The following ST3GAL5 variants were observed in gnomAD, a reference collection of about 807,000 sequenced individuals.
ST3GAL5 encodes lactosylceramide alpha-2,3-sialyltransferase.
In ST3GAL5, 25 loss-of-function variants were observed where a neutral mutation model predicts 46.1. The observed-to-expected ratio is 0.54, with a 90% CI of 0.40 to 0.76. ST3GAL5 has a LOEUF of 0.76. ST3GAL5 is among the 30% of genes least tolerant of loss of function. ST3GAL5 has a pLI of 0.00. For missense variants in ST3GAL5, 431 were observed against 521.2 expected, an observed-to-expected ratio of 0.83 and a Z score of 1.69; for synonymous variants, 182 against 192.7, an observed-to-expected ratio of 0.94 and a Z score of 0.46.
intron 1 of ST3GAL5, among the ~76,000 whole-genome samples, chr2:85,886,967 C>A (rs1215912286): frequency 6.6e-6 from 1 of 152,164 alleles, no homozygotes; most frequent in Non-Finnish European, 1.5e-5. Context: ...ACAGGCAGTG[C>A]GGATTAAATC....
intron 1 of ST3GAL5, among the ~76,000 whole-genome samples, chr2:85,882,659 T>C (rs1687289699): frequency 7.5e-6 from 1 of 133,944 alleles, no homozygotes; most frequent in Non-Finnish European, 1.6e-5. Context: ...TGAAACCCCA[T>C]CTCTACTAAA....
intron 1 of ST3GAL5, among the ~76,000 whole-genome samples, chr2:85,877,795 A>G (rs1686746761): frequency 6.6e-6 from 1 of 152,222 alleles, no homozygotes; most frequent in African/African-American, 2.4e-5. Context: ...GGCTGGATAA[A>G]ACAGTAGGTG....
chr2:85,847,676 T>C, intron 4 of ST3GAL5, 185 bp downstream of exon 4: 1 of 1,305,086 alleles, frequency 7.7e-7, no homozygotes, highest in Non-Finnish European at 1.0e-6. Flanking sequence ...GTGCCTGGGG[T>C]CCCAGCTACT....
At chr2:85,881,119 G>T (rs1207319706) in intron 1 of ST3GAL5, among the ~76,000 whole-genome samples, 1 of 152,156 alleles carries the variant, frequency 6.6e-6, no homozygotes, top group Non-Finnish European at 1.5e-5. Flanking sequence ...TTTATCAGGG[G>T]TTTCTGCTTT....
intron 1 of ST3GAL5, among the ~76,000 whole-genome samples, chr2:85,867,285 A>G (rs937514900): frequency 3.9e-5 from 6 of 152,242 alleles, no homozygotes; most frequent in African/African-American, 1.4e-4. Flanking sequence ...GAAGTGGGTT[A>G]GAAATGCAGA....
chr2:85,856,528 A>G (rs1457675016), intron 3 of ST3GAL5: 1 of 152,112 alleles, frequency 6.6e-6, no homozygotes, highest in East Asian at 1.9e-4. Context: ...AGTTCTGTAA[A>G]TCACTAAAAC....
intron 1 of ST3GAL5, among the ~76,000 whole-genome samples, chr2:85,885,924 A>G (rs2104262839): frequency 6.6e-6 from 1 of 152,300 alleles, no homozygotes; most frequent in South Asian, 2.1e-4. Context: ...AGAAATGCAG[A>G]CACATATGTA....
At position 85,840,010 on chromosome 2, in the gene ST3GAL5, T is replaced by G. The variant is rs75721928; in HGVS notation, c.*134A>C. 7.5e-4 allele frequency: 1,053 copies of G among 1,404,780 alleles called. 2 individuals are homozygous for G. In the African/African-American group the frequency reaches 0.012, roughly 16 times the overall value. 87.0% of individuals were successfully genotyped at this position (1,404,780 alleles called of 1,614,324 possible). On this transcript the variant is annotated 3_prime_UTR_variant, in exon 7 of 7. Coordinates refer to ENST00000638572, the MANE Select transcript of ST3GAL5 (RefSeq NM_003896.4). ...AAAGTGGGAAGAGCTAAAATTTTTT[T>G]TGTGTTTTTAAATTAAAAGTTAAAA...
chr2:85,847,669 C>T (rs1682966198), intron 4 of ST3GAL5, 192 bp downstream of exon 4: 1 of 1,315,276 alleles, frequency 7.6e-7, no homozygotes, highest in Non-Finnish European at 1.0e-6. Flanking sequence ...GTGGTGTGTG[C>T]CTGGGGTCCC....
chr2:85,861,346 G>A (rs1411511725), intron 2 of ST3GAL5, 54 bp from the exon 3 acceptor site: 2 of 1,177,752 alleles, frequency 1.7e-6, no homozygotes, highest in South Asian at 1.2e-5. Flanking sequence ...ATCATGAGAT[G>A]CAATGTGAAA....
At chr2:85,862,650 C>T (rs1013082596) in intron 2 of ST3GAL5, among the ~76,000 whole-genome samples, 28 of 152,132 alleles carry the variant, frequency 1.8e-4, no homozygotes, top group African/African-American at 5.3e-4. Flanking sequence ...TTGTGGCTGG[C>T]GCCCAGCATG....
chr2:85,885,663 C>T (rs1026490322), intron 1 of ST3GAL5, among the ~76,000 whole-genome samples: 7 of 151,932 alleles, frequency 4.6e-5, no homozygotes, highest in African/African-American at 1.7e-4. Flanking sequence ...CCTGTCTCTA[C>T]TAAAAATACA....
At chr2:85,857,886 A>G (rs570860178) in intron 3 of ST3GAL5, among the ~76,000 whole-genome samples, 8 of 152,330 alleles carry the variant, frequency 5.3e-5, no homozygotes, top group African/African-American at 1.7e-4. Context: ...AGGTGACTCT[A>G]AAGGGCAGCC....
In ST3GAL5 at chr2:85,840,160, ATGCCTCCACTGAGATCT is replaced by A; in HGVS notation, c.1224_1240del (p.Lys408AsnfsTer2). 1 of 1,614,190 alleles carries A rather than the reference ATGCCTCCACTGAGATCT, an allele frequency of 6.2e-7. No homozygotes were observed. The highest frequency in any genetic ancestry group is 8.5e-7 in the Non-Finnish European group (1 of 1,180,028). On this transcript the variant is annotated frameshift_variant, in exon 7 of 7. Transcript: ENST00000638572. LOFTEE classifies it high-confidence loss of function. ...TTTCTGTGTTCAAAATTCACGATCA[ATGCCTCCACTGAGATCT>A]TTCACCACTCCCTCTTTGACCAGCT...
In ST3GAL5 at chr2:85,839,942, G is replaced by T; in HGVS notation, c.*202C>A. The T allele has an allele frequency of 1.6e-6, 1 of 626,148 alleles. No individual in the cohort carries two copies. The highest frequency in any genetic ancestry group is 2.8e-6 in the Non-Finnish European group (1 of 363,270). 38.8% of individuals were successfully genotyped at this position (626,148 alleles called of 1,614,324 possible). A position where few individuals can be genotyped will look rare whatever the true frequency, so the allele number is the denominator to read the frequency against. On this transcript the variant is annotated 3_prime_UTR_variant, in exon 7 of 7. Transcript: ENST00000638572. ...AATTCTTAAGTTTCATTTACAAAAT[G>T]GTGTGCAAAAACAAACACTGACCTC...
At chr2:85,879,921 A>G (rs895748523) in intron 1 of ST3GAL5, among the ~76,000 whole-genome samples, 1 of 152,238 alleles carries the variant, frequency 6.6e-6, no homozygotes, top group Admixed American at 6.5e-5. Context: ...AGAAAGCATA[A>G]GGTGAAAGTT....
intron 1 of ST3GAL5, among the ~76,000 whole-genome samples, chr2:85,884,269 T>C (rs1244928640): frequency 6.6e-6 from 1 of 152,226 alleles, no homozygotes; most frequent in Non-Finnish European, 1.5e-5. Flanking sequence ...TTTTGTCATA[T>C]CTATGTTTTG....
At position 85,839,700 on chromosome 2, in the gene ST3GAL5, G is replaced by C. The variant is rs1370631282; in HGVS notation, c.*444C>G. On this transcript the variant is annotated 3_prime_UTR_variant, in exon 7 of 7. Coordinates refer to ENST00000638572, the MANE Select transcript of ST3GAL5 (RefSeq NM_003896.4). ...AGAGCTACGGAGCACGTCATCCTGG[G>C]AGTGGATCCTCCGTGGGTCACACCA... 7.2e-6 allele frequency: 2 copies of C among 276,358 alleles called. No homozygotes were observed. The highest frequency in any genetic ancestry group is 4.5e-5 in the African/African-American group (2 of 44,394). 17.1% of individuals were successfully genotyped at this position (276,358 alleles called of 1,614,324 possible).
rs1277101348 is a variant in ST3GAL5 at position 85,848,461 on chromosome 2, C to G, written c.319-257G>C. 8.1e-6 allele frequency: 11 copies of G among 1,362,770 alleles called. No individual in the cohort carries two copies. The African/African-American group carries it at 1.3e-4, about 16-fold the overall frequency. 84.4% of individuals were successfully genotyped at this position (1,362,770 alleles called of 1,614,324 possible). On this transcript the variant is annotated intron_variant, in intron 3 of 6. Transcript: ENST00000638572. The stretch of plus-strand genomic sequence containing the variant: ...ACAGGCAAAGCAAGAAGGACTCCCG[C>G]CTCCCACCCCCAGCCTAACACTGTT...
Sources: allele counts gnomAD v4.1 joint callset (sites outside exome capture counted in the v4.1 genomes callset), GRCh38; gene constraint gnomAD v4.1.1; transcripts MANE v1.5; gene names NCBI Gene and HGNC (gene_info 2026-07-23, HGNC 2026-07-21).